NKAIN2: variants seen among roughly 807,000 people sequenced by gnomAD.
NKAIN2 encodes sodium/potassium transporting ATPase interacting 2.
Under a neutral mutation model 32.6 loss-of-function variants are expected in NKAIN2, and 14 were observed. The ratio of observed to expected loss-of-function variants is 0.43; its 90% CI spans 0.28 to 0.67. The LOEUF (loss-of-function observed/expected upper bound fraction) is 0.67. Among genes scored for constraint, NKAIN2 ranks in the 30% least tolerant of loss-of-function variants. The probability of loss-of-function intolerance (pLI) is 0.17; values close to 1 mark genes in which losing one functional copy is unlikely to be tolerated. For synonymous variants in NKAIN2, 80 were observed against 87.2 expected, an observed-to-expected ratio of 0.92 and a Z score of 0.46; for missense variants, 198 against 258.3, an observed-to-expected ratio of 0.77 and a Z score of 1.60.
At chr6:124,021,216 AG>A (rs201272200) in intron 1 of NKAIN2, among the ~76,000 whole-genome samples, 4,791 of 152,126 alleles carry the variant, frequency 0.031, 142 homozygotes, top group Non-Finnish European at 0.045. Flanking sequence ...AAGTTTGATT[AG>A]TGGGTGCACA....
At chr6:124,113,392 C>T (rs771266538) in intron 1 of NKAIN2, among the ~76,000 whole-genome samples, 2 of 152,090 alleles carry the variant, frequency 1.3e-5, no homozygotes, top group Non-Finnish European at 2.9e-5. Flanking sequence ...GATATTGTAG[C>T]ATTGGATACA....
intron 4 of NKAIN2, among the ~76,000 whole-genome samples, chr6:124,766,632 GCA>G (rs1005493911): frequency 1.1e-4 from 17 of 152,134 alleles, no homozygotes; most frequent in African/African-American, 4.1e-4. Flanking sequence ...AACTGCAAAA[GCA>G]CAGATAGTCA....
At chr6:124,534,895 C>T (rs1779659929) in intron 3 of NKAIN2, among the ~76,000 whole-genome samples, 1 of 152,068 alleles carries the variant, frequency 6.6e-6, no homozygotes, top group Non-Finnish European at 1.5e-5. Flanking sequence ...GGTTCCAGGA[C>T]CCTCATAAAT....
At chr6:124,483,393 A>G (rs1241739717) in intron 3 of NKAIN2, among the ~76,000 whole-genome samples, 1 of 152,224 alleles carries the variant, frequency 6.6e-6, no homozygotes, top group African/African-American at 2.4e-5. Context: ...GGAATTTCAG[A>G]TAATAGAGCA....
At chr6:124,596,971 T>C (rs1445665746) in intron 3 of NKAIN2, among the ~76,000 whole-genome samples, 1 of 152,098 alleles carries the variant, frequency 6.6e-6, no homozygotes, top group Non-Finnish European at 1.5e-5. Context: ...ATGTCCCAAC[T>C]TCAAGATAGT....
intron 1 of NKAIN2, chr6:124,122,042 G>T (rs1361947677): frequency 9.1e-6 from 2 of 220,908 alleles, no homozygotes; most frequent in Non-Finnish European, 1.6e-5. Context: ...CACTAAGATT[G>T]TTTCATTTTC....
chr6:124,301,499 T>G (rs528484399), intron 2 of NKAIN2, among the ~76,000 whole-genome samples: 97 of 152,228 alleles, frequency 6.4e-4, no homozygotes, highest in Admixed American at 1.3e-3. Flanking sequence ...CCCACAATGG[T>G]AGACCCACTG....
chr6:124,361,155 T>C (rs983175976), intron 3 of NKAIN2, among the ~76,000 whole-genome samples: 2 of 152,102 alleles, frequency 1.3e-5, no homozygotes, highest in African/African-American at 2.4e-5. Flanking sequence ...ATATATAATA[T>C]GGTGATTAAT....
At chr6:124,359,330 G>A (rs1273510932) in intron 3 of NKAIN2, among the ~76,000 whole-genome samples, 1 of 152,108 alleles carries the variant, frequency 6.6e-6, no homozygotes, top group Non-Finnish European at 1.5e-5. Flanking sequence ...TAGCTTGATG[G>A]GGATGGCATT....
At chr6:123,990,966 TA>T (rs1439154196) in intron 1 of NKAIN2, among the ~76,000 whole-genome samples, 3 of 152,208 alleles carry the variant, frequency 2.0e-5, no homozygotes, top group African/African-American at 7.2e-5. Context: ...TTTCAAATAG[TA>T]AAATAACACA....
At chr6:124,239,766 A>G (rs187661553) in intron 1 of NKAIN2, among the ~76,000 whole-genome samples, 7 of 152,332 alleles carry the variant, frequency 4.6e-5, no homozygotes, top group Admixed American at 4.6e-4. Flanking sequence ...GGAAATTTAT[A>G]GCACTAAATG....
At chr6:124,510,826 A>G (rs996877754) in intron 3 of NKAIN2, among the ~76,000 whole-genome samples, 7 of 152,212 alleles carry the variant, frequency 4.6e-5, no homozygotes, top group African/African-American at 1.4e-4. Context: ...TCACATGTAG[A>G]AAATATATCA....
chr6:123,924,333 C>T (rs906617313), intron 1 of NKAIN2, among the ~76,000 whole-genome samples: 1 of 152,174 alleles, frequency 6.6e-6, no homozygotes, highest in Non-Finnish European at 1.5e-5. Context: ...AATTTCAAAT[C>T]TCACATATAT....
intron 3 of NKAIN2, among the ~76,000 whole-genome samples, chr6:124,540,654 T>G (rs1451491275): frequency 1.4e-5 from 2 of 147,556 alleles, no homozygotes; most frequent in Non-Finnish European, 1.5e-5. Flanking sequence ...TACAGACAGT[T>G]CCTGACTTAC....
intron 3 of NKAIN2, among the ~76,000 whole-genome samples, chr6:124,584,136 G>T (rs1332110605): frequency 1.3e-5 from 2 of 152,102 alleles, no homozygotes; most frequent in African/African-American, 2.4e-5. Flanking sequence ...AGCAAAAATG[G>T]ACAAATGGGA....
intron 4 of NKAIN2, among the ~76,000 whole-genome samples, chr6:124,666,796 A>G (rs779178749): frequency 7.9e-5 from 12 of 152,142 alleles, no homozygotes; most frequent in Non-Finnish European, 1.3e-4. Flanking sequence ...AAATTTAGTA[A>G]TATAAGGTAA....
chr6:124,628,323 A>ATTAC (rs1300817378), intron 3 of NKAIN2, among the ~76,000 whole-genome samples: 1 of 152,078 alleles, frequency 6.6e-6, no homozygotes, highest in Non-Finnish European at 1.5e-5. Context: ...CTAAGATGTA[A>ATTAC]TTACTTATGT....
intron 3 of NKAIN2, among the ~76,000 whole-genome samples, chr6:124,414,694 T>C (rs1361575731): frequency 6.6e-6 from 1 of 152,170 alleles, no homozygotes; most frequent in African/African-American, 2.4e-5. Context: ...ATAGGTTTAT[T>C]TGGTTTTCTA....
chr6:124,426,444 A>G (rs1175159712), intron 3 of NKAIN2, among the ~76,000 whole-genome samples: 1 of 152,218 alleles, frequency 6.6e-6, no homozygotes, highest in Admixed American at 6.5e-5. Context: ...CTGGTAAGTT[A>G]CTTGTATCCA....
Sources: gnomAD v4.1 joint callset for allele counts (sites outside exome capture counted in the v4.1 genomes callset) on GRCh38, gnomAD v4.1.1 for gene constraint, MANE v1.5 for transcripts, NCBI Gene and HGNC (gene_info 2026-07-23, HGNC 2026-07-21) for gene names.